STPG2: variants seen among roughly 807,000 people sequenced by gnomAD.
STPG2 encodes the protein sperm tail PG-rich repeat containing 2, also known as sperm-tail PG-rich repeat-containing protein 2.
STPG2 carries 56 observed loss-of-function variants against 54.2 expected under a neutral mutation model. The observed-to-expected ratio is 1.03, with a 90% CI of 0.83 to 1.29. STPG2 has a LOEUF of 1.29. Among genes scored for constraint, STPG2 ranks in the 50% most tolerant of loss-of-function variants. The probability of loss-of-function intolerance (pLI) is 0.00; values close to 1 mark genes in which losing one functional copy is unlikely to be tolerated. For missense variants in STPG2, 596 were observed against 544.9 expected (o/e 1.09, Z -0.93); for synonymous variants, 200 against 181.8 (o/e 1.10, Z -0.81).
intron 10 of STPG2, among the ~76,000 whole-genome samples, chr4:97,654,947 C>T (rs1722178977): frequency 6.6e-6 from 1 of 152,024 alleles, no homozygotes. Flanking sequence ...GTTTAACAAA[C>T]AGCATATTCA....
chr4:97,448,609 C>T (rs1729286660), intron 4 of STPG2, among the ~76,000 whole-genome samples: 1 of 152,122 alleles, frequency 6.6e-6, no homozygotes, highest in Non-Finnish European at 1.5e-5. Flanking sequence ...ATATGCCTTC[C>T]ACCATGATTG....
At chr4:97,760,140 T>C (rs1468605798) in intron 9 of STPG2, among the ~76,000 whole-genome samples, 6 of 152,220 alleles carry the variant, frequency 3.9e-5, no homozygotes, top group Non-Finnish European at 8.8e-5. Context: ...CTAAATAGAA[T>C]GTACTACTCC....
At chr4:97,733,715 G>A (rs1724881534) in intron 9 of STPG2, among the ~76,000 whole-genome samples, 1 of 152,050 alleles carries the variant, frequency 6.6e-6, no homozygotes, top group African/African-American at 2.4e-5. Flanking sequence ...ACTTATTCAG[G>A]GCCAGGTGCT....
At chr4:97,928,705 C>T (rs527409654) in intron 8 of STPG2, among the ~76,000 whole-genome samples, 1 of 151,846 alleles carries the variant, frequency 6.6e-6, no homozygotes, top group Admixed American at 6.6e-5. Flanking sequence ...AGGCCTAATA[C>T]TGATTTGTGA....
At chr4:97,777,845 C>A (rs1431274681) in intron 9 of STPG2, among the ~76,000 whole-genome samples, 2 of 152,202 alleles carry the variant, frequency 1.3e-5, no homozygotes, top group African/African-American at 4.8e-5. Flanking sequence ...CTTTATTTCT[C>A]ATATTATATC....
chr4:97,607,682 G>A (rs1382867400), intron 10 of STPG2, among the ~76,000 whole-genome samples: 2 of 151,968 alleles, frequency 1.3e-5, no homozygotes, highest in African/African-American at 2.4e-5. Flanking sequence ...GACTAGAAAT[G>A]CACAAGTTTT....
intron 8 of STPG2, among the ~76,000 whole-genome samples, chr4:97,923,285 G>A (rs866453389): frequency 3.7e-4 from 56 of 150,650 alleles, no homozygotes; most frequent in East Asian, 1.4e-3. Flanking sequence ...GGGGCTGTGC[G>A]CAGCGCTTCC....
intron 9 of STPG2, among the ~76,000 whole-genome samples, chr4:97,734,758 G>C (rs1724918229): frequency 6.6e-6 from 1 of 152,100 alleles, no homozygotes; most frequent in Non-Finnish European, 1.5e-5. Flanking sequence ...ACATAAACAA[G>C]TAGGACAACA....
At chr4:97,831,380 G>A (rs1364359372) in intron 9 of STPG2, among the ~76,000 whole-genome samples, 1 of 152,126 alleles carries the variant, frequency 6.6e-6, no homozygotes. Flanking sequence ...GCAGTGTGTA[G>A]AGAAAAATTT....
rs145144992 is a variant in STPG2 at position 97,903,063 on chromosome 4, G to A, written c.1044+40834C>T. ...TAGAAGGATGGTTACTAGGAGTCAG[G>A]ATATCAGAAAAATGAGATGGTGGTC... On this transcript the variant is annotated intron_variant, in intron 8 of 10. Transcript: ENST00000295268. Among the ~76,000 whole-genome samples, 22 of 152,230 alleles carry A rather than the reference G, an allele frequency of 1.4e-4. No individual in the cohort carries two copies. In the East Asian group the frequency reaches 4.3e-3, roughly 29 times the overall value.
At position 97,549,809 on chromosome 4, in the gene STPG2, G is replaced by C. The variant is rs192394165; in HGVS notation, c.462+162890C>G. ...AGACAGAGCTCCTCTAGAGCACTGAGAGACAGTGTGACCCTGCTGACACCT... is the reference window on the plus strand; with the variant it reads ...AGACAGAGCTCCTCTAGAGCACTGACAGACAGTGTGACCCTGCTGACACCT... On this transcript the variant is annotated intron_variant, in intron 4 of 4. Transcript: ENST00000522676. Among the ~76,000 whole-genome samples, 630 of 152,306 alleles carry C rather than the reference G, an allele frequency of 4.1e-3. 3 individuals are homozygous for C. Among genetic ancestry groups the C allele is most frequent in the South Asian group, 0.02 (98 of 4,828 alleles).
At chr4:97,664,612 C>A (rs1722466489) in intron 10 of STPG2, among the ~76,000 whole-genome samples, 5 of 152,150 alleles carry the variant, frequency 3.3e-5, no homozygotes, top group Admixed American at 3.3e-4. Context: ...TTAGGCAAGG[C>A]ATTTTTAAGA....
At position 97,551,900 on chromosome 4, in the gene STPG2, T is replaced by A. The variant is rs186146205; in HGVS notation, c.462+160799A>T. On this transcript the variant is annotated intron_variant, in intron 4 of 4. Transcript: ENST00000522676. ...TATGTGCTTATGGGTCCTTAGGTAA[T>A]GAGATGATACACATAATGCAAAATT... Among the ~76,000 whole-genome samples, 25 of 152,242 alleles carry A rather than the reference T, an allele frequency of 1.6e-4. 1 individual carries two copies. Among genetic ancestry groups the A allele is most frequent in the South Asian group, 1.0e-3 (5 of 4,828 alleles).
At chr4:97,564,834 T>C (rs1371094932) in intron 10 of STPG2, among the ~76,000 whole-genome samples, 1 of 152,214 alleles carries the variant, frequency 6.6e-6, no homozygotes. Flanking sequence ...CCTTTGTGAG[T>C]AACCCGACCT....
At chr4:98,045,548 C>T (rs1737097825) in intron 5 of STPG2, among the ~76,000 whole-genome samples, 1 of 152,108 alleles carries the variant, frequency 6.6e-6, no homozygotes, top group Non-Finnish European at 1.5e-5. Context: ...GATAAACTCC[C>T]TTGGCTTTTA....
At chr4:97,779,638 C>G (rs555673444) in intron 9 of STPG2, among the ~76,000 whole-genome samples, 6 of 152,126 alleles carry the variant, frequency 3.9e-5, no homozygotes, top group African/African-American at 1.2e-4. Context: ...GTCAGTTTCA[C>G]CAAAGTTCAA....
intron 9 of STPG2, among the ~76,000 whole-genome samples, chr4:97,816,478 C>T (rs1378769214): frequency 6.6e-6 from 1 of 152,114 alleles, no homozygotes; most frequent in African/African-American, 2.4e-5. Context: ...AATGGTTGAG[C>T]AAATTTACAC....
chr4:97,705,535 A>T (rs1723915288), intron 10 of STPG2, among the ~76,000 whole-genome samples: 1 of 152,016 alleles, frequency 6.6e-6, no homozygotes, highest in Admixed American at 6.6e-5. Flanking sequence ...CATGTTGACC[A>T]GGCTGGTCTT....
At chr4:97,448,168 C>T (rs527533203) in intron 4 of STPG2, among the ~76,000 whole-genome samples, 74 of 152,234 alleles carry the variant, frequency 4.9e-4, no homozygotes, top group Non-Finnish European at 8.5e-4. Context: ...TGCTTGTCCC[C>T]ATATTGTATC....
Sources: gnomAD v4.1 joint callset for allele counts (sites outside exome capture counted in the v4.1 genomes callset) on GRCh38, gnomAD v4.1.1 for gene constraint, MANE v1.5 for transcripts, NCBI Gene and HGNC (gene_info 2026-07-23, HGNC 2026-07-21) for gene names.